Variants in ATP13A4 observed in about 807,000 individuals in gnomAD.
The protein encoded by ATP13A4 is probable cation-transporting ATPase 13A4.
A neutral mutation model predicts 142.5 loss-of-function variants in ATP13A4; 114 were observed. The ratio of observed to expected loss-of-function variants is 0.80; its 90% CI spans 0.69 to 0.93. The LOEUF (loss-of-function observed/expected upper bound fraction) is 0.93. Ranked by LOEUF, ATP13A4 falls within the 40% of genes least tolerant of loss-of-function variation. The pLI is 0.00. For missense variants in ATP13A4, 1,392 were observed against 1,454.0 expected (o/e 0.96, Z 0.69); for synonymous variants, 488 against 514.8 (o/e 0.95, Z 0.70).
At chr3:193,586,612 A>G (rs1389444995) in intron 1 of ATP13A4, among the ~76,000 whole-genome samples, 5 of 152,358 alleles carry the variant, frequency 3.3e-5, no homozygotes, top group Admixed American at 2.0e-4. Flanking sequence ...ACCATTCATT[A>G]AAAAGGCTTT....
intron 25 of ATP13A4, among the ~76,000 whole-genome samples, chr3:193,432,738 T>TAAAAG (rs1029415831): frequency 4.0e-5 from 6 of 149,928 alleles, no homozygotes; most frequent in South Asian, 2.1e-4. Context: ...AGTATAATAA[T>TAAAAG]AAAAGAAAAG....
chr3:193,413,828 T>C (rs1714905850), intron 26 of ATP13A4, among the ~76,000 whole-genome samples: 1 of 152,196 alleles, frequency 6.6e-6, no homozygotes, highest in Non-Finnish European at 1.5e-5. Flanking sequence ...ACATAGACCT[T>C]TATCAGGAGC....
intron 13 of ATP13A4, among the ~76,000 whole-genome samples, chr3:193,459,457 C>T (rs1340422584): frequency 6.6e-6 from 1 of 152,202 alleles, no homozygotes; most frequent in African/African-American, 2.4e-5. Flanking sequence ...TACAGGGTCT[C>T]ACTCTATCAC....
chr3:193,414,461 C>A, intron 26 of ATP13A4, 118 bp downstream of exon 26: 1 of 1,211,942 alleles, frequency 8.3e-7, no homozygotes. Context: ...GCCCAAGGGA[C>A]TTTAAAAAGC....
chr3:193,578,114 T>A (rs928472416), intron 2 of ATP13A4, among the ~76,000 whole-genome samples: 1 of 151,856 alleles, frequency 6.6e-6, no homozygotes, highest in African/African-American at 2.4e-5. Context: ...GCCAACATGG[T>A]GAAACCCTGT....
intron 17 of ATP13A4, among the ~76,000 whole-genome samples, chr3:193,452,957 T>C (rs1717371517): frequency 6.6e-6 from 1 of 152,090 alleles, no homozygotes; most frequent in Admixed American, 6.5e-5. Context: ...GTACTGTTTT[T>C]TTCAGAGTTT....
intron 16 of ATP13A4, among the ~76,000 whole-genome samples, chr3:193,454,867 T>C (rs1382372737): frequency 6.6e-6 from 1 of 151,948 alleles, no homozygotes; most frequent in Non-Finnish European, 1.5e-5. Flanking sequence ...ACAAATGGGA[T>C]CCAATTAAAC....
intron 18 of ATP13A4, among the ~76,000 whole-genome samples, chr3:193,445,880 A>G (rs1444211598): frequency 1.3e-5 from 2 of 152,168 alleles, no homozygotes; most frequent in South Asian, 2.1e-4. Context: ...CCCACACACA[A>G]TTTAACAACT....
chr3:193,589,568 C>A (rs1301498926), intron 1 of ATP13A4, among the ~76,000 whole-genome samples: 1 of 152,106 alleles, frequency 6.6e-6, no homozygotes. Flanking sequence ...CCTTTTCCTG[C>A]TAAGGTAAAT....
At chr3:193,418,116 C>T (rs527982846) in intron 25 of ATP13A4, among the ~76,000 whole-genome samples, 2,909 of 66,060 alleles carry the variant, frequency 0.044, 94 homozygotes, top group Non-Finnish European at 0.058. Flanking sequence ...AGCGAGACTC[C>T]GTCTCAAAAA....
chr3:193,405,459 G>T (rs571014606), intron 29 of ATP13A4, among the ~76,000 whole-genome samples: 63 of 152,296 alleles, frequency 4.1e-4, no homozygotes, highest in Non-Finnish European at 7.6e-4. Context: ...TGTTTCTCAA[G>T]AAAAGGTTCA....
At chr3:193,445,650 G>A (rs1342970705) in intron 18 of ATP13A4, among the ~76,000 whole-genome samples, 1 of 151,972 alleles carries the variant, frequency 6.6e-6, no homozygotes. Flanking sequence ...CCAGCTACTC[G>A]GGAGGCTGAA....
At chr3:193,436,143 TAAAATTC>T (rs1358644079) in intron 23 of ATP13A4, among the ~76,000 whole-genome samples, 4 of 152,202 alleles carry the variant, frequency 2.6e-5, no homozygotes, top group Non-Finnish European at 5.9e-5. Context: ...TGGATTTAAA[TAAAATTC>T]CAGATTCAGG....
At chr3:193,531,028 C>T (rs1722284520) in intron 1 of ATP13A4, among the ~76,000 whole-genome samples, 2 of 152,024 alleles carry the variant, frequency 1.3e-5, no homozygotes, top group African/African-American at 4.8e-5. Context: ...GTCTCCTTTG[C>T]CTTATCTGGA....
intron 2 of ATP13A4, among the ~76,000 whole-genome samples, chr3:193,510,420 G>C (rs138834062): frequency 6.6e-6 from 1 of 152,208 alleles, no homozygotes; most frequent in East Asian, 1.9e-4. Flanking sequence ...TGTAACCTAC[G>C]ATGACAATGA....
chr3:193,503,046 G>GA (rs1046215661), intron 2 of ATP13A4, among the ~76,000 whole-genome samples: 11 of 151,886 alleles, frequency 7.2e-5, no homozygotes, highest in Non-Finnish European at 1.0e-4. Flanking sequence ...GCAGGGGGGG[G>GA]AACTATCACT....
At chr3:193,467,732 T>C (rs1718386282) in intron 9 of ATP13A4, among the ~76,000 whole-genome samples, 1 of 152,148 alleles carries the variant, frequency 6.6e-6, no homozygotes, top group Non-Finnish European at 1.5e-5. Flanking sequence ...GTGGGTACTG[T>C]AAATCAAACA....
At chr3:193,591,469 T>A (rs923038026) in intron 1 of ATP13A4, among the ~76,000 whole-genome samples, 1 of 152,262 alleles carries the variant, frequency 6.6e-6, no homozygotes, top group African/African-American at 2.4e-5. Flanking sequence ...GGCAACACTA[T>A]GTATCTATGG....
At chr3:193,583,258 C>T (rs1724605870) in intron 1 of ATP13A4, among the ~76,000 whole-genome samples, 1 of 151,562 alleles carries the variant, frequency 6.6e-6, no homozygotes, top group Admixed American at 6.6e-5. Flanking sequence ...CGTGGCGAAA[C>T]CCCGTCTCTA....
Sources: allele counts gnomAD v4.1 joint callset (sites outside exome capture counted in the v4.1 genomes callset), GRCh38; gene constraint gnomAD v4.1.1; transcripts MANE v1.5; gene names NCBI Gene and HGNC (gene_info 2026-07-23, HGNC 2026-07-21).